Variants in GMDS observed in about 807,000 individuals in gnomAD.
GMDS encodes the protein GDP-mannose 4,6-dehydratase, also known as GDP-mannose 4,6 dehydratase.
A neutral mutation model predicts 49.9 loss-of-function variants in GMDS; 20 were observed. The observed-to-expected ratio is 0.40, with a 90% CI of 0.28 to 0.58. GMDS has a LOEUF of 0.58. GMDS is among the 20% of genes least tolerant of loss of function. The pLI is 0.42. For missense variants in GMDS, 362 were observed against 481.4 expected, an observed-to-expected ratio of 0.75 and a Z score of 2.32; for synonymous variants, 177 against 178.6, an observed-to-expected ratio of 0.99 and a Z score of 0.07.
chr6:1,869,302 C>T (rs1253519577), intron 7 of GMDS, among the ~76,000 whole-genome samples: 1 of 152,026 alleles, frequency 6.6e-6, no homozygotes, highest in Admixed American at 6.6e-5. Context: ...TTTTTAATAG[C>T]GTTCCTAAAT....
chr6:1,742,327 G>C (rs754105500), intron 8 of GMDS, 141 bp downstream of exon 8: 2 of 594,104 alleles, frequency 3.4e-6, no homozygotes, highest in Non-Finnish European at 6.1e-6. Flanking sequence ...GCAGAGCAAA[G>C]GCCCCACTCT....
intron 7 of GMDS, among the ~76,000 whole-genome samples, chr6:1,793,525 T>C (rs75858041): frequency 9.2e-5 from 14 of 152,330 alleles, no homozygotes; most frequent in African/African-American, 3.4e-4. Context: ...TCTGCTTTTA[T>C]GTCAGCGAAT....
chr6:1,957,185 G>A (rs776977587), intron 6 of GMDS, among the ~76,000 whole-genome samples: 5 of 152,150 alleles, frequency 3.3e-5, no homozygotes, highest in African/African-American at 7.2e-5. Flanking sequence ...CTACTTTTCT[G>A]TAATTCAGAC....
At chr6:1,770,373 C>T (rs958039203) in intron 7 of GMDS, among the ~76,000 whole-genome samples, 4 of 152,216 alleles carry the variant, frequency 2.6e-5, no homozygotes, top group African/African-American at 4.8e-5. Context: ...GAAGACCACG[C>T]GTAAGGCACT....
At chr6:1,758,798 C>T (rs1016013118) in intron 7 of GMDS, among the ~76,000 whole-genome samples, 1 of 152,190 alleles carries the variant, frequency 6.6e-6, no homozygotes, top group Non-Finnish European at 1.5e-5. Context: ...ATTACAGGCG[C>T]GGTGGCTCAC....
chr6:2,203,095 A>G (rs1779624859), intron 1 of GMDS, among the ~76,000 whole-genome samples: 1 of 152,174 alleles, frequency 6.6e-6, no homozygotes, highest in Non-Finnish European at 1.5e-5. Context: ...AAGCCTGTTA[A>G]TCAAATTGCC....
chr6:1,626,956 A>T (rs1762864499), intron 9 of GMDS, among the ~76,000 whole-genome samples: 1 of 152,260 alleles, frequency 6.6e-6, no homozygotes, highest in Non-Finnish European at 1.5e-5. Flanking sequence ...TTCTCAATTT[A>T]GTTTTGAGCC....
intron 4 of GMDS, among the ~76,000 whole-genome samples, chr6:1,974,801 C>T (rs1764803280): frequency 1.3e-5 from 2 of 150,006 alleles, no homozygotes; most frequent in Admixed American, 6.7e-5. Context: ...GAGGCCGAGG[C>T]GGGCAGATCA....
intron 9 of GMDS, among the ~76,000 whole-genome samples, chr6:1,677,370 T>C (rs918466377): frequency 3.3e-5 from 5 of 152,142 alleles, no homozygotes; most frequent in African/African-American, 1.2e-4. Context: ...AGTTCAACCA[T>C]TGTGGAAGAC....
intron 4 of GMDS, among the ~76,000 whole-genome samples, chr6:2,013,803 G>A (rs2127396945): frequency 6.6e-6 from 1 of 151,806 alleles, no homozygotes; most frequent in East Asian, 1.9e-4. Context: ...TAACCAACAT[G>A]TAATGAGAAT....
intron 9 of GMDS, among the ~76,000 whole-genome samples, chr6:1,627,032 T>G (rs961506588): frequency 6.6e-6 from 1 of 152,186 alleles, no homozygotes; most frequent in African/African-American, 2.4e-5. Flanking sequence ...TCCCTGAAAT[T>G]TAATTAGACC....
At chr6:2,152,085 G>A (rs111486897) in intron 1 of GMDS, among the ~76,000 whole-genome samples, 1 of 152,114 alleles carries the variant, frequency 6.6e-6, no homozygotes, top group Non-Finnish European at 1.5e-5. Context: ...AACACAGATA[G>A]TTCTCTAATC....
At chr6:1,932,882 T>C (rs1055289790) in intron 6 of GMDS, among the ~76,000 whole-genome samples, 1 of 152,242 alleles carries the variant, frequency 6.6e-6, no homozygotes, top group Non-Finnish European at 1.5e-5. Flanking sequence ...TTTTGAGATA[T>C]AATTCACATA....
intron 7 of GMDS, among the ~76,000 whole-genome samples, chr6:1,925,549 T>G (rs1455666894): frequency 2.0e-5 from 3 of 152,164 alleles, no homozygotes; most frequent in Non-Finnish European, 4.4e-5. Flanking sequence ...TGAGAAACAA[T>G]GTACTTGCAC....
rs70992106 is a variant in GMDS, at chr6:1,853,567, AGT to A, written c.771+76534_771+76535del. ...ATTATACAAGGAGATAACTCATATGAGTGTGTGTGTGTGTGTATACACATCTG... is the reference window on the plus strand; with the variant it reads ...ATTATACAAGGAGATAACTCATATGAGTGTGTGTGTGTGTATACACATCTG... On this transcript the variant is annotated intron_variant, in intron 7 of 10. Coordinates refer to ENST00000380815, the MANE Select transcript of GMDS (RefSeq NM_001500.4). 4.8e-3 allele frequency among the ~76,000 whole-genome samples: 711 copies of A among 146,640 alleles called. 7 individuals are homozygous for A. The highest frequency in any genetic ancestry group is 0.017 in the African/African-American group (660 of 38,932).
At chr6:1,708,026 G>C (rs1349850171) in intron 9 of GMDS, among the ~76,000 whole-genome samples, 1 of 152,078 alleles carries the variant, frequency 6.6e-6, no homozygotes, top group African/African-American at 2.4e-5. Context: ...TCTGGAGTAA[G>C]GTAAGGTATA....
At chr6:2,150,045 C>T (rs1489432885) in intron 1 of GMDS, among the ~76,000 whole-genome samples, 2 of 152,134 alleles carry the variant, frequency 1.3e-5, no homozygotes, top group Non-Finnish European at 2.9e-5. Flanking sequence ...TCAAGGCAAA[C>T]ACTGCCACGA....
intron 9 of GMDS, among the ~76,000 whole-genome samples, chr6:1,716,081 T>C (rs1005706091): frequency 3.9e-5 from 6 of 152,230 alleles, no homozygotes; most frequent in Admixed American, 2.0e-4. Context: ...CACACAGAAT[T>C]AATTTCATTC....
chr6:2,094,853 A>G (rs1276460267), intron 4 of GMDS, among the ~76,000 whole-genome samples: 1 of 152,200 alleles, frequency 6.6e-6, no homozygotes, highest in East Asian at 1.9e-4. Flanking sequence ...CACTATATAA[A>G]AGATAAGCAT....
Sources: gnomAD v4.1 joint callset for allele counts (sites outside exome capture counted in the v4.1 genomes callset) on GRCh38, gnomAD v4.1.1 for gene constraint, MANE v1.5 for transcripts, NCBI Gene and HGNC (gene_info 2026-07-23, HGNC 2026-07-21) for gene names.